Variants in VPS13B observed in about 807,000 individuals in gnomAD.
VPS13B encodes intermembrane lipid transfer protein VPS13B.
VPS13B carries 285 observed loss-of-function variants against 426.4 expected under a neutral mutation model. That is an observed-to-expected ratio of 0.67 (90% CI 0.61 to 0.74). VPS13B has a LOEUF of 0.74. VPS13B is among the 30% of genes least tolerant of loss of function. VPS13B has a pLI of 0.00. For missense variants in VPS13B, 4,537 were observed against 4,782.6 expected, an observed-to-expected ratio of 0.95 and a Z score of 1.51; for synonymous variants, 1,676 against 1,676.4, an observed-to-expected ratio of 1.00 and a Z score of 0.01.
chr8:99,049,398 C>T (rs201070892), intron 3 of VPS13B, among the ~76,000 whole-genome samples: 1 of 11,570 alleles, frequency 8.6e-5, no homozygotes, highest in Non-Finnish European at 3.4e-4. Context: ...GAAAAAGACT[C>T]TATCTTTCCT....
At chr8:99,282,442 A>G (rs1209275365) in intron 19 of VPS13B, among the ~76,000 whole-genome samples, 1 of 152,146 alleles carries the variant, frequency 6.6e-6, no homozygotes, top group African/African-American at 2.4e-5. Flanking sequence ...CTACTTGGAA[A>G]CCGTGGATCT....
intron 34 of VPS13B, among the ~76,000 whole-genome samples, chr8:99,650,149 A>G (rs1213310132): frequency 2.6e-5 from 4 of 152,164 alleles, no homozygotes; most frequent in Non-Finnish European, 5.9e-5. Context: ...GGGAAACTTA[A>G]TAGGGGATTT....
intron 34 of VPS13B, among the ~76,000 whole-genome samples, chr8:99,658,227 C>T (rs750514816): frequency 6.6e-6 from 1 of 151,992 alleles, no homozygotes; most frequent in Non-Finnish European, 1.5e-5. Context: ...AAAAAGTATG[C>T]GTGCAAAAAG....
rs569902331 is a variant in VPS13B at position 99,505,343 on chromosome 8, C to T, written c.4158-1794C>T. Among the ~76,000 whole-genome samples the T allele has an allele frequency of 1.1e-3, 174 of 152,310 alleles. 1 individual carries two copies. Among genetic ancestry groups the T allele is most frequent in the Non-Finnish European group, 2.0e-3 (137 of 68,020 alleles). On this transcript the variant is annotated intron_variant, in intron 27 of 61. Coordinates refer to ENST00000357162, the MANE Select transcript of VPS13B (RefSeq NM_152564.5). Reference sequence around the variant, plus strand: ...CCTATCTCAGCTTTTGATATGCCTTCCTCACTAAGCTTAATCATTTTTAGA... The same window carrying T: ...CCTATCTCAGCTTTTGATATGCCTTTCTCACTAAGCTTAATCATTTTTAGA...
intron 36 of VPS13B, among the ~76,000 whole-genome samples, chr8:99,701,530 G>A (rs1832279981): frequency 6.6e-6 from 1 of 152,086 alleles, no homozygotes. Context: ...AGCTGTGCAA[G>A]TTAGTAAACT....
intron 29 of VPS13B, among the ~76,000 whole-genome samples, chr8:99,516,280 T>TCCCA (rs1352705864): frequency 6.6e-6 from 1 of 152,204 alleles, no homozygotes; most frequent in African/African-American, 2.4e-5. Flanking sequence ...TAGATAATTC[T>TCCCA]TACATTATAT....
At chr8:99,044,853 TACACACACACACACACAC>T (rs60056711) in intron 3 of VPS13B, among the ~76,000 whole-genome samples, 13 of 139,886 alleles carry the variant, frequency 9.3e-5, no homozygotes, top group East Asian at 8.7e-4. Flanking sequence ...TTCCATTTTA[TACACACACACACACACAC>T]ACACACACAC....
At chr8:99,523,443 C>T (rs1037079788) in intron 30 of VPS13B, among the ~76,000 whole-genome samples, 1 of 152,210 alleles carries the variant, frequency 6.6e-6, no homozygotes, top group Admixed American at 6.5e-5. Flanking sequence ...AAGTCTGACC[C>T]AGCGCAGTCC....
chr8:99,784,283 C>A, intron 42 of VPS13B, 32 bp from the exon 43 acceptor site: 1 of 1,613,386 alleles, frequency 6.2e-7, no homozygotes, highest in Non-Finnish European at 8.5e-7. Context: ...TTAATCCGAT[C>A]CATGTTGGCT....
chr8:99,870,192 A>G (rs896714919), intron 59 of VPS13B, among the ~76,000 whole-genome samples: 6 of 152,044 alleles, frequency 3.9e-5, no homozygotes, highest in Non-Finnish European at 7.4e-5. Context: ...TTTTTTAGAC[A>G]CAGGGTTTTG....
chr8:99,694,808 G>A (rs948383976), intron 35 of VPS13B, among the ~76,000 whole-genome samples: 5 of 152,038 alleles, frequency 3.3e-5, no homozygotes, highest in African/African-American at 9.7e-5. Flanking sequence ...TCTGACAAAG[G>A]GCTAATATCC....
At chr8:99,862,744 G>A (rs193052008) in intron 58 of VPS13B, among the ~76,000 whole-genome samples, 8 of 152,306 alleles carry the variant, frequency 5.3e-5, no homozygotes, top group Non-Finnish European at 7.3e-5. Flanking sequence ...GAAAGGACTC[G>A]CCCTCTCTCT....
At chr8:99,492,073 G>C (rs1820634921) in intron 25 of VPS13B, among the ~76,000 whole-genome samples, 2 of 152,274 alleles carry the variant, frequency 1.3e-5, no homozygotes, top group South Asian at 4.1e-4. Flanking sequence ...TGTTGATGTT[G>C]ATGCTATTCC....
rs1813682810 is a variant in VPS13B at position 99,192,897 on chromosome 8, T to C, written c.2355T>C (p.Ala785=). The change falls in exon 17 of 62, where the codon GCT becomes GCC. Residue 785 remains alanine (A), a synonymous_variant. Coordinates refer to ENST00000357162, the MANE Select transcript of VPS13B (RefSeq NM_152564.5). ...PTCWTKRSQI[A]ITEGIFELPN... is the part of the protein sequence containing the mutation. Reference sequence around the variant, plus strand: ...GCAGGACCAAAAGATCTCAGATTGCTATAACTGAAGGTATATTTGAACTTC... The same window carrying C: ...GCAGGACCAAAAGATCTCAGATTGCCATAACTGAAGGTATATTTGAACTTC... 1 of 1,613,346 alleles carries C rather than the reference T, an allele frequency of 6.2e-7. No individual in the cohort carries two copies. Among genetic ancestry groups the C allele is most frequent in the South Asian group, 1.1e-5 (1 of 91,058 alleles).
At chr8:99,850,531 ATTAT>A (rs559933499) in intron 55 of VPS13B, among the ~76,000 whole-genome samples, 198 of 152,278 alleles carry the variant, frequency 1.3e-3, no homozygotes, top group South Asian at 3.5e-3. Flanking sequence ...CTGTATTTTG[ATTAT>A]TTATAATAGC....
chr8:99,030,807 C>T (rs956857941), intron 2 of VPS13B, among the ~76,000 whole-genome samples: 6 of 152,006 alleles, frequency 3.9e-5, no homozygotes, highest in East Asian at 1.9e-4. Context: ...TTCTGTCATT[C>T]GCCAATTCAT....
intron 25 of VPS13B, among the ~76,000 whole-genome samples, chr8:99,496,990 G>A (rs1379787859): frequency 6.7e-6 from 1 of 149,714 alleles, no homozygotes; most frequent in Non-Finnish European, 1.5e-5. Context: ...AATCACAGCA[G>A]TAGTATAGGA....
chr8:99,192,049 A>G lies in VPS13B; in HGVS notation c.2334-827A>G, dbSNP rs77822104. Among the ~76,000 whole-genome samples, 621 of 152,154 alleles carry G rather than the reference A, an allele frequency of 4.1e-3. 4 individuals are homozygous for G. Among genetic ancestry groups the G allele is most frequent in the South Asian group, 6.4e-3 (31 of 4,810 alleles). ...GTAGCATCCTGATTTTTTTTAATCT[A>G]TTTTTGTTTTATTGTTCTTCTATTT... is the stretch of plus-strand genomic sequence containing the variant. On this transcript the variant is annotated intron_variant, in intron 16 of 61. Coordinates refer to ENST00000357162, the MANE Select transcript of VPS13B (RefSeq NM_152564.5).
intron 61 of VPS13B, among the ~76,000 whole-genome samples, chr8:99,872,915 AT>A (rs1357529834): frequency 6.6e-6 from 1 of 152,180 alleles, no homozygotes; most frequent in African/African-American, 2.4e-5. Context: ...TTGGATCATG[AT>A]CATAGTCAGG....
Sources: allele counts gnomAD v4.1 joint callset (sites outside exome capture counted in the v4.1 genomes callset), GRCh38; gene constraint gnomAD v4.1.1; transcripts MANE v1.5; gene names NCBI Gene and HGNC (gene_info 2026-07-23, HGNC 2026-07-21).